ASAP1: variants seen among roughly 807,000 people sequenced by gnomAD.
The protein encoded by ASAP1 is arf-GAP with SH3 domain, ANK repeat and PH domain-containing protein 1.
Under a neutral mutation model 145.2 loss-of-function variants are expected in ASAP1, and 43 were observed. The observed-to-expected ratio is 0.30, with a 90% CI of 0.23 to 0.38. The LOEUF is 0.38. Ranked by LOEUF, ASAP1 falls within the 10% of genes least tolerant of loss-of-function variation. The probability of loss-of-function intolerance (pLI) is 1.00; values close to 1 mark genes in which losing one functional copy is unlikely to be tolerated. For missense variants in ASAP1, 1,018 were observed against 1,355.3 expected (o/e 0.75, Z 3.91); for synonymous variants, 546 against 515.5 (o/e 1.06, Z -0.80).
intron 3 of ASAP1, among the ~76,000 whole-genome samples, chr8:130,272,840 G>A (rs1820666502): frequency 6.6e-6 from 1 of 152,204 alleles, no homozygotes; most frequent in Non-Finnish European, 1.5e-5. Context: ...AGACTGGGAA[G>A]AGTATGTAGG....
chr8:130,054,951 T>C (rs2097400477), intron 29 of ASAP1, 146 bp from the exon 30 acceptor site: 2 of 670,956 alleles, frequency 3.0e-6, no homozygotes, highest in African/African-American at 3.6e-5. Context: ...TTTAGTGAAC[T>C]ACAGAGAGCT....
At chr8:130,175,324 G>C (rs973630960) in intron 9 of ASAP1, among the ~76,000 whole-genome samples, 1 of 152,106 alleles carries the variant, frequency 6.6e-6, no homozygotes, top group Non-Finnish European at 1.5e-5. Flanking sequence ...AGGCTCAAGC[G>C]ATCCTCCCAC....
chr8:130,434,636 T>C (rs559399232), intron 1 of ASAP1, among the ~76,000 whole-genome samples: 10 of 152,182 alleles, frequency 6.6e-5, no homozygotes, highest in African/African-American at 2.4e-4. Flanking sequence ...CAGGAAAGAA[T>C]GACCTAGCCA....
chr8:130,231,584 C>G lies in ASAP1; in HGVS notation c.259+5338G>C, dbSNP rs905220156. 3.3e-5 allele frequency among the ~76,000 whole-genome samples: 5 copies of G among 152,174 alleles called. No individual in the cohort carries two copies. The South Asian group carries it at 1.0e-3, about 32-fold the overall frequency. ...TTTGAGCAAAGAAAAAAAAAGCCAACACTTTAACACAGAAAAAGACCTAGT... is the reference window on the plus strand; with the variant it reads ...TTTGAGCAAAGAAAAAAAAAGCCAAGACTTTAACACAGAAAAAGACCTAGT... On this transcript the variant is annotated intron_variant, in intron 4 of 29. Coordinates refer to ENST00000518721, the MANE Select transcript of ASAP1 (RefSeq NM_018482.4).
intron 13 of ASAP1, among the ~76,000 whole-genome samples, chr8:130,143,910 C>T (rs1172098579): frequency 1.3e-5 from 2 of 152,210 alleles, no homozygotes; most frequent in Non-Finnish European, 2.9e-5. Flanking sequence ...CTCCCATCAT[C>T]TTACTGAATT....
chr8:130,247,709 T>C (rs1436834177), intron 3 of ASAP1, among the ~76,000 whole-genome samples: 1 of 152,148 alleles, frequency 6.6e-6, no homozygotes, highest in African/African-American at 2.4e-5. Context: ...AGGTCAGACG[T>C]GAGCTGCACA....
intron 1 of ASAP1, among the ~76,000 whole-genome samples, chr8:130,434,288 T>C (rs1348159876): frequency 6.6e-6 from 1 of 152,032 alleles, no homozygotes; most frequent in Non-Finnish European, 1.5e-5. Flanking sequence ...TGAGCTGCCA[T>C]AGCGCCACTG....
intron 11 of ASAP1, chr8:130,160,649 G>A: frequency 2.5e-6 from 1 of 399,856 alleles, no homozygotes; most frequent in South Asian, 2.3e-5. Context: ...AGTTTCTAAG[G>A]ACTACATGAC....
chr8:130,207,021 T>C (rs1453098898), intron 5 of ASAP1, among the ~76,000 whole-genome samples: 1 of 152,214 alleles, frequency 6.6e-6, no homozygotes, highest in Non-Finnish European at 1.5e-5. Context: ...TTTTCAGTAC[T>C]ATACATTTAA....
At chr8:130,225,947 T>C (rs546452755) in intron 4 of ASAP1, among the ~76,000 whole-genome samples, 2 of 152,194 alleles carry the variant, frequency 1.3e-5, no homozygotes, top group South Asian at 4.1e-4. Context: ...GGCATGGTCA[T>C]AGCTTGCTGT....
chr8:130,136,931 G>A lies in ASAP1; in HGVS notation c.1168+20C>T. 1.2e-6 allele frequency: 2 copies of A among 1,607,398 alleles called. No homozygotes were observed. Among genetic ancestry groups the A allele is most frequent in the South Asian group, 1.1e-5 (1 of 90,924 alleles). ...GTCAGAAGCCACAATAACCAACTCA[G>A]AGAGAGAAAAAGGACTCACGTGATA... On this transcript the variant is annotated intron_variant, in intron 14 of 29. Transcript: ENST00000518721.
intron 3 of ASAP1, among the ~76,000 whole-genome samples, chr8:130,249,798 T>C (rs1208315599): frequency 2.6e-5 from 4 of 152,072 alleles, no homozygotes; most frequent in South Asian, 2.1e-4. Flanking sequence ...TAGGAGAAGA[T>C]CTAGATGTGC....
At chr8:130,166,165 C>A (rs985209706) in intron 11 of ASAP1, among the ~76,000 whole-genome samples, 2 of 152,040 alleles carry the variant, frequency 1.3e-5, no homozygotes, top group Non-Finnish European at 2.9e-5. Flanking sequence ...TGCCACCATG[C>A]GTGGCTAATT....
chr8:130,125,284 G>A (rs2135718699), intron 17 of ASAP1, among the ~76,000 whole-genome samples: 1 of 152,200 alleles, frequency 6.6e-6, no homozygotes, highest in Admixed American at 6.5e-5. Context: ...GGGATGCCAA[G>A]TAGGCTCCCC....
At position 130,054,494 on chromosome 8, in the gene ASAP1, A is replaced by T. The variant is rs139455769; in HGVS notation, c.*237T>A. On this transcript the variant is annotated 3_prime_UTR_variant, in exon 30 of 30. Transcript: ENST00000518721. The stretch of plus-strand genomic sequence containing the variant: ...CAGCATAGAGAGATGTAAGTGCTAG[A>T]TGCCAAGGATGGCTTTGGCAAACCA... 2.7e-5 allele frequency: 12 copies of T among 439,322 alleles called. No homozygotes were observed. Among genetic ancestry groups the T allele is most frequent in the Middle Eastern group, 6.5e-4 (1 of 1,546 alleles). The allele number at this position is 439,322 out of a possible 1,614,324, so 27.2% of individuals were successfully genotyped here.
chr8:130,314,662 G>A (rs79456029), intron 3 of ASAP1, among the ~76,000 whole-genome samples: 2,496 of 152,326 alleles, frequency 0.016, 68 homozygotes, highest in African/African-American at 0.055. Flanking sequence ...GCACCTGCAA[G>A]GTGGGGACCT....
At chr8:130,180,458 C>T (rs191833466) in intron 8 of ASAP1, among the ~76,000 whole-genome samples, 5 of 152,292 alleles carry the variant, frequency 3.3e-5, no homozygotes, top group Admixed American at 3.3e-4. Context: ...CCAGTGTTAC[C>T]TCTCACCAAT....
At chr8:130,421,471 G>T (rs914448167) in intron 1 of ASAP1, among the ~76,000 whole-genome samples, 1 of 152,210 alleles carries the variant, frequency 6.6e-6, no homozygotes, top group Non-Finnish European at 1.5e-5. Context: ...TTGCAGCTGG[G>T]TGTGACCATG....
At chr8:130,214,430 T>G in intron 5 of ASAP1, 126 bp downstream of exon 5, 1 of 965,668 alleles carries the variant, frequency 1.0e-6, no homozygotes, top group Non-Finnish European at 1.4e-6. Flanking sequence ...CTAAAAAGCT[T>G]TTTGTTTTTT....
Sources: allele counts gnomAD v4.1 joint callset (sites outside exome capture counted in the v4.1 genomes callset), GRCh38; gene constraint gnomAD v4.1.1; transcripts MANE v1.5; gene names NCBI Gene and HGNC (gene_info 2026-07-23, HGNC 2026-07-21).